Variants in WASL observed in about 807,000 individuals in gnomAD.
WASL encodes the protein WASP like actin nucleation promoting factor.
WASL carries 20 observed loss-of-function variants against 55.5 expected under a neutral mutation model. That is an observed-to-expected ratio of 0.36 (90% CI 0.25 to 0.52). WASL has a LOEUF of 0.52. Among genes scored for constraint, WASL ranks in the 20% least tolerant of loss-of-function variants. The pLI is 0.92. For missense variants in WASL, 504 were observed against 622.5 expected (o/e 0.81, Z 2.03); for synonymous variants, 249 against 217.6 (o/e 1.14, Z -1.27).
At position 123,689,353 on chromosome 7, in the gene WASL, A is replaced by T. The variant is rs573507820; in HGVS notation, c.1348-203T>A. 3.9e-5 allele frequency among the ~76,000 whole-genome samples: 6 copies of T among 152,328 alleles called. No individual in the cohort carries two copies. The South Asian group carries it at 8.3e-4, about 21-fold the overall frequency. On this transcript the variant is annotated intron_variant, in intron 9 of 10. Transcript: ENST00000223023. ...TATTATTCAAAAATATTTCCTTTCC[A>T]TCTTAATGTATAAGCCAAAAATACA...
intron 1 of WASL, among the ~76,000 whole-genome samples, chr7:123,727,073 A>C (rs1053714885): frequency 1.3e-5 from 2 of 152,170 alleles, no homozygotes; most frequent in Non-Finnish European, 2.9e-5. Context: ...ATAAGCACTG[A>C]AAGGGTGAAA....
chr7:123,700,124 C>T (rs1466843050), intron 5 of WASL, among the ~76,000 whole-genome samples: 3 of 121,984 alleles, frequency 2.5e-5, no homozygotes, highest in Non-Finnish European at 3.2e-5. Context: ...TGCAGTGAGT[C>T]GAAATAGCGC....
At chr7:123,685,644 G>T (rs947053824) in intron 10 of WASL, among the ~76,000 whole-genome samples, 1 of 151,452 alleles carries the variant, frequency 6.6e-6, no homozygotes, top group Admixed American at 6.6e-5. Flanking sequence ...ATGACAGCAC[G>T]GACCTTGCCT....
intron 1 of WASL, among the ~76,000 whole-genome samples, chr7:123,710,628 T>C (rs945195792): frequency 1.3e-5 from 2 of 152,170 alleles, no homozygotes; most frequent in African/African-American, 4.8e-5. Context: ...GTTATGTTTT[T>C]AACATTACAG....
At chr7:123,719,755 C>T (rs1803906246) in intron 1 of WASL, among the ~76,000 whole-genome samples, 1 of 152,100 alleles carries the variant, frequency 6.6e-6, no homozygotes, top group Non-Finnish European at 1.5e-5. Flanking sequence ...TCTGTTGCAC[C>T]CTTGCAACAT....
At chr7:123,741,527 C>A (rs773366566) in intron 1 of WASL, among the ~76,000 whole-genome samples, 2 of 152,080 alleles carry the variant, frequency 1.3e-5, no homozygotes, top group African/African-American at 2.4e-5. Flanking sequence ...TAAGAGTGAA[C>A]TCTATTAGGA....
chr7:123,742,247 A>C (rs1804355649), intron 1 of WASL, among the ~76,000 whole-genome samples: 1 of 152,240 alleles, frequency 6.6e-6, no homozygotes, highest in Non-Finnish European at 1.5e-5. Context: ...TAATTTTGGC[A>C]TTCATTTGGG....
chr7:123,715,302 T>C (rs1360488235), intron 1 of WASL, among the ~76,000 whole-genome samples: 1 of 152,176 alleles, frequency 6.6e-6, no homozygotes, highest in Non-Finnish European at 1.5e-5. Flanking sequence ...CCCTAAAACC[T>C]GGAATCAAAG....
chr7:123,737,153 TAA>T (rs1202380447), intron 1 of WASL, among the ~76,000 whole-genome samples: 1 of 152,078 alleles, frequency 6.6e-6, no homozygotes, highest in Non-Finnish European at 1.5e-5. Flanking sequence ...GATGAACTTT[TAA>T]AAAATTGCAA....
At chr7:123,726,334 G>C (rs1243920642) in intron 1 of WASL, among the ~76,000 whole-genome samples, 2 of 152,088 alleles carry the variant, frequency 1.3e-5, no homozygotes, top group Admixed American at 1.3e-4. Flanking sequence ...AAATTCATAT[G>C]ATCATCTCAT....
chr7:123,747,981 G>GA (rs1406680231), intron 1 of WASL, among the ~76,000 whole-genome samples: 27 of 150,750 alleles, frequency 1.8e-4, no homozygotes, highest in Admixed American at 4.6e-4. Flanking sequence ...ACCAATGGGG[G>GA]GAAAAAAAAA....
At chr7:123,688,172 T>C (rs1474406524) in intron 10 of WASL, among the ~76,000 whole-genome samples, 2 of 152,214 alleles carry the variant, frequency 1.3e-5, no homozygotes, top group Non-Finnish European at 2.9e-5. Flanking sequence ...TATGGTGGTA[T>C]GTATATGTTT....
chr7:123,705,400 G>C (rs988113536), intron 4 of WASL, among the ~76,000 whole-genome samples: 5 of 152,232 alleles, frequency 3.3e-5, no homozygotes, highest in African/African-American at 9.6e-5. Context: ...ATTCTGCTCA[G>C]ACCGTGTTAA....
chr7:123,738,698 A>C lies in WASL; in HGVS notation c.117+9920T>G, dbSNP rs1488029971. The stretch of plus-strand genomic sequence containing the variant: ...GTTAGAAACCATGTCTGAACTCAGT[A>C]GGAAAAAATGCTGTGATTGTTGGTG... On this transcript the variant is annotated intron_variant, in intron 1 of 10. Transcript: ENST00000223023. 3.3e-5 allele frequency among the ~76,000 whole-genome samples: 5 copies of C among 152,186 alleles called. No homozygotes were observed. In the East Asian group the frequency reaches 7.7e-4, roughly 23 times the overall value.
At chr7:123,684,611 T>C (rs781620330) in intron 10 of WASL, 31 bp from the exon 11 acceptor site, 49 of 1,492,208 alleles carry the variant, frequency 3.3e-5, no homozygotes, top group Non-Finnish European at 4.0e-5. Flanking sequence ...TTAAAACATA[T>C]GCATAAATAA....
intron 1 of WASL, among the ~76,000 whole-genome samples, chr7:123,731,538 G>GA (rs1398763106): frequency 6.6e-6 from 1 of 152,042 alleles, no homozygotes; most frequent in African/African-American, 2.4e-5. Context: ...CGATCACCAA[G>GA]AGAGACCACA....
chr7:123,735,978 T>C (rs2116821228), intron 1 of WASL, among the ~76,000 whole-genome samples: 1 of 152,118 alleles, frequency 6.6e-6, no homozygotes, highest in South Asian at 2.1e-4. Flanking sequence ...CACATCATAA[T>C]CAGATCCCTT....
intron 5 of WASL, among the ~76,000 whole-genome samples, chr7:123,701,859 T>C (rs1444142341): frequency 1.3e-5 from 2 of 151,928 alleles, no homozygotes; most frequent in South Asian, 4.1e-4. Context: ...TGTATTAATA[T>C]ATTAATTCCA....
chr7:123,692,399 G>C lies in WASL; in HGVS notation c.1295C>G (p.Ser432Cys). The C allele has an allele frequency of 6.2e-7, 1 of 1,613,576 alleles. No individual in the cohort carries two copies. The change falls in exon 9 of 11, where the codon TCT (serine) becomes TGT (cysteine). Residue 432 changes from serine (S) to cysteine (C), a missense_variant. Physicochemically the swap from Ser to Cys is moderately radical, Grantham distance 112. Transcript: ENST00000223023. ...VEQNSRPVSC[S>C]GRDALLDQIR... ...CTGGTCTAACAGTGCATCTCGTCCA[G>C]AGCAGGACACTGGCCGACTGTTCTG...
Sources: gnomAD v4.1 joint callset for allele counts (sites outside exome capture counted in the v4.1 genomes callset) on GRCh38, gnomAD v4.1.1 for gene constraint, MANE v1.5 for transcripts, NCBI Gene and HGNC (gene_info 2026-07-23, HGNC 2026-07-21) for gene names.